Variants in RBMS3 observed in about 807,000 individuals in gnomAD.
RBMS3 encodes RNA binding motif single stranded interacting protein 3, also known as RNA-binding motif, single-stranded-interacting protein 3.
A neutral mutation model predicts 66.8 loss-of-function variants in RBMS3; 27 were observed. The ratio of observed to expected loss-of-function variants is 0.40; its 90% CI spans 0.30 to 0.56. The LOEUF is 0.56. Ranked by LOEUF, RBMS3 falls within the 20% of genes least tolerant of loss-of-function variation. The probability of loss-of-function intolerance (pLI) is 0.40; values close to 1 mark genes in which losing one functional copy is unlikely to be tolerated. For synonymous variants in RBMS3, 188 were observed against 183.0 expected, an observed-to-expected ratio of 1.03 and a Z score of -0.22; for missense variants, 513 against 549.5, an observed-to-expected ratio of 0.93 and a Z score of 0.66.
chr3:29,653,674 A>G (rs748626336), intron 4 of RBMS3, among the ~76,000 whole-genome samples: 7 of 152,152 alleles, frequency 4.6e-5, no homozygotes, highest in Non-Finnish European at 8.8e-5. Flanking sequence ...GTTTTGGCCC[A>G]TAAAAGTTGA....
At chr3:29,335,390 A>T (rs1337429340) in intron 1 of RBMS3, among the ~76,000 whole-genome samples, 1 of 152,202 alleles carries the variant, frequency 6.6e-6, no homozygotes, top group Non-Finnish European at 1.5e-5. Context: ...AGCAGAAATT[A>T]TGCATATAGT....
chr3:29,988,260 A>C, intron 13 of RBMS3, 37 bp downstream of exon 13: 1 of 1,533,388 alleles, frequency 6.5e-7, no homozygotes, highest in Non-Finnish European at 9.0e-7. Flanking sequence ...GGTTAGAAGA[A>C]ATAAATCTCA....
intron 5 of RBMS3, among the ~76,000 whole-genome samples, chr3:29,753,521 C>T (rs1308936534): frequency 2.0e-5 from 3 of 152,130 alleles, no homozygotes; most frequent in Non-Finnish European, 2.9e-5. Context: ...TGAGTAGCCC[C>T]GTACATTTAT....
intron 12 of RBMS3, among the ~76,000 whole-genome samples, chr3:29,961,648 CCTT>C (rs1696457004): frequency 6.6e-6 from 1 of 151,986 alleles, no homozygotes; most frequent in South Asian, 2.1e-4. Context: ...GGAAATATAT[CCTT>C]CTTCACATGG....
At chr3:29,700,023 C>T (rs1225158959) in intron 4 of RBMS3, among the ~76,000 whole-genome samples, 1 of 151,770 alleles carries the variant, frequency 6.6e-6, no homozygotes, top group Non-Finnish European at 1.5e-5. Context: ...GATGCATTGG[C>T]ACCCTAGTAG....
At chr3:29,472,436 T>C (rs1167191684) in intron 2 of RBMS3, among the ~76,000 whole-genome samples, 2 of 152,178 alleles carry the variant, frequency 1.3e-5, no homozygotes, top group Non-Finnish European at 2.9e-5. Flanking sequence ...CTTCAAGTGA[T>C]CTGCCCACCT....
At chr3:29,386,751 G>A (rs1412492301) in intron 1 of RBMS3, among the ~76,000 whole-genome samples, 1 of 152,102 alleles carries the variant, frequency 6.6e-6, no homozygotes, top group African/African-American at 2.4e-5. Context: ...AGCAAACTCA[G>A]TAAACGAGAA....
intron 6 of RBMS3, among the ~76,000 whole-genome samples, chr3:29,776,549 A>G (rs1425146135): frequency 1.3e-5 from 2 of 152,042 alleles, no homozygotes; most frequent in Non-Finnish European, 2.9e-5. Context: ...TGATGTTAAC[A>G]ATATCTCCTT....
chr3:29,987,338 G>T (rs1367242100), intron 12 of RBMS3, among the ~76,000 whole-genome samples: 1 of 152,100 alleles, frequency 6.6e-6, no homozygotes, highest in Non-Finnish European at 1.5e-5. Context: ...ATGAATATGG[G>T]TCATACTTTA....
intron 4 of RBMS3, among the ~76,000 whole-genome samples, chr3:29,650,279 CT>C (rs560594950): frequency 0.065 from 6,208 of 96,208 alleles, 117 homozygotes; most frequent in African/African-American, 0.073. Context: ...TCCTTTCTTT[CT>C]TTTTTTTTTT....
At chr3:29,345,237 A>G in intron 1 of RBMS3, among the ~76,000 whole-genome samples, 1 of 152,340 alleles carries the variant, frequency 6.6e-6, no homozygotes, top group South Asian at 2.1e-4. Context: ...TTATTCAATG[A>G]ATTCTACCTG....
chr3:29,683,363 G>C (rs2051577818), intron 4 of RBMS3, among the ~76,000 whole-genome samples: 1 of 152,200 alleles, frequency 6.6e-6, no homozygotes, highest in Admixed American at 6.5e-5. Context: ...AGAATAGAGT[G>C]TGAGTTTATT....
intron 3 of RBMS3, among the ~76,000 whole-genome samples, chr3:29,572,949 T>C (rs897814370): frequency 1.3e-5 from 2 of 152,186 alleles, no homozygotes; most frequent in African/African-American, 2.4e-5. Flanking sequence ...TTGTTAGTTA[T>C]TGGTCTGTTT....
intron 4 of RBMS3, among the ~76,000 whole-genome samples, chr3:29,680,080 G>T (rs970107372): frequency 3.9e-5 from 6 of 152,114 alleles, no homozygotes; most frequent in African/African-American, 1.4e-4. Context: ...TTTTACAAAG[G>T]CTCAAGCCTT....
intron 6 of RBMS3, among the ~76,000 whole-genome samples, chr3:29,818,643 A>C (rs17024447): frequency 0.025 from 3,778 of 152,260 alleles, 76 homozygotes; most frequent in East Asian, 0.14. Context: ...AATTGGGATA[A>C]GAAAAACACT....
At chr3:29,654,485 A>T (rs1328190170) in intron 4 of RBMS3, among the ~76,000 whole-genome samples, 1 of 149,322 alleles carries the variant, frequency 6.7e-6, no homozygotes, top group African/African-American at 2.5e-5. Flanking sequence ...GTATCTTTGG[A>T]TATTTCAAGA....
chr3:29,289,621 C>G lies in RBMS3; in HGVS notation c.75+7865C>G, dbSNP rs116145874. 1.4e-3 allele frequency among the ~76,000 whole-genome samples: 215 copies of G among 151,546 alleles called. 1 individual carries two copies. Among genetic ancestry groups the G allele is most frequent in the African/African-American group, 4.8e-3 (198 of 41,370 alleles). On this transcript the variant is annotated intron_variant, in intron 1 of 14. Coordinates refer to ENST00000383767, the MANE Select transcript of RBMS3 (RefSeq NM_001003793.3). ...AAGGAAAATAAAAAGTAAATGGAAC[C>G]CGGAATTTTGTTTCATGAATGATAA...
intron 3 of RBMS3, among the ~76,000 whole-genome samples, chr3:29,534,204 A>C (rs1463218860): frequency 6.6e-6 from 1 of 152,206 alleles, no homozygotes; most frequent in Non-Finnish European, 1.5e-5. Context: ...TGTGGGGACA[A>C]AGGTCACGTT....
chr3:29,291,044 G>GA (rs2032768631), intron 1 of RBMS3, among the ~76,000 whole-genome samples: 1 of 151,930 alleles, frequency 6.6e-6, no homozygotes, highest in African/African-American at 2.4e-5. Flanking sequence ...CTTGCGAAGT[G>GA]AAAAAAACCT....
Sources: gnomAD v4.1 joint callset for allele counts (sites outside exome capture counted in the v4.1 genomes callset) on GRCh38, gnomAD v4.1.1 for gene constraint, MANE v1.5 for transcripts, NCBI Gene and HGNC (gene_info 2026-07-23, HGNC 2026-07-21) for gene names.